DOCK8: variants seen among roughly 807,000 people sequenced by gnomAD.
DOCK8 encodes the protein dedicator of cytokinesis 8.
DOCK8 carries 141 observed loss-of-function variants against 245.6 expected under a neutral mutation model. The ratio of observed to expected loss-of-function variants is 0.57; its 90% CI spans 0.50 to 0.66. The LOEUF is 0.66. Among genes scored for constraint, DOCK8 ranks in the 30% least tolerant of loss-of-function variants. The pLI, the probability that DOCK8 is intolerant of heterozygous loss-of-function variation, is 0.00. For synonymous variants in DOCK8, 1,168 were observed against 970.2 expected, an observed-to-expected ratio of 1.20 and a Z score of -3.79; for missense variants, 2,965 against 2,603.4, an observed-to-expected ratio of 1.14 and a Z score of -3.02.
chr9:311,251 C>G (rs1266431049), intron 5 of DOCK8, among the ~76,000 whole-genome samples: 2 of 150,436 alleles, frequency 1.3e-5, no homozygotes, highest in Admixed American at 6.7e-5. Context: ...CGCCATTGCA[C>G]TCAAGCCTAG....
rs959993470 is a variant in DOCK8 at position 447,325 on chromosome 9, G to C, written c.5817+719G>C. On this transcript the variant is annotated intron_variant, in intron 44 of 47. Coordinates refer to ENST00000432829, the MANE Select transcript of DOCK8 (RefSeq NM_203447.4). ...TACACTTATTTGTCGTCCTTTTTAT[G>C]CAGGGCCACAGACTTCTCTGTGACT... Among the ~76,000 whole-genome samples the C allele has an allele frequency of 2.6e-5, 4 of 152,196 alleles. No homozygotes were observed. The East Asian group carries it at 7.7e-4, about 29-fold the overall frequency.
At chr9:268,377 G>C (rs1040652727) in intron 1 of DOCK8, 2 of 152,186 alleles carry the variant, frequency 1.3e-5, no homozygotes, top group Non-Finnish European at 2.9e-5. Flanking sequence ...CTTGTATGTG[G>C]ACGACTGGAA....
chr9:333,876 T>A (rs2051173879), intron 10 of DOCK8, among the ~76,000 whole-genome samples: 1 of 152,158 alleles, frequency 6.6e-6, no homozygotes, highest in Non-Finnish European at 1.5e-5. Context: ...TAAACTTGAT[T>A]TCAAGATTCT....
intron 4 of DOCK8, among the ~76,000 whole-genome samples, chr9:291,547 A>G (rs889103321): frequency 1.3e-4 from 20 of 152,154 alleles, no homozygotes; most frequent in Non-Finnish European, 2.4e-4. Flanking sequence ...TGCTTCCTCA[A>G]TACAATGATT....
chr9:399,820 A>G (rs1009664081), intron 26 of DOCK8, among the ~76,000 whole-genome samples: 2 of 152,038 alleles, frequency 1.3e-5, no homozygotes, highest in African/African-American at 4.8e-5. Context: ...TCTCCCTCAA[A>G]CTACCTTAAC....
At chr9:279,149 G>A (rs535474) in intron 2 of DOCK8, among the ~76,000 whole-genome samples, 67,528 of 152,012 alleles carry the variant, frequency 0.44, 16,330 homozygotes, top group East Asian at 0.74. Flanking sequence ...TGACTTTAAT[G>A]TTTTCCACCT....
chr9:304,572 C>G lies in DOCK8; in HGVS notation c.405-9C>G. 1 of 1,613,984 alleles carries G rather than the reference C, an allele frequency of 6.2e-7. No homozygotes were observed. The highest frequency in any genetic ancestry group is 8.5e-7 in the Non-Finnish European group (1 of 1,179,994). ...TTTCTCTCTCCAAATTAAATATCAA[C>G]CATAAAAGAAACCAAGGAAGTCCAG... On this transcript the variant is annotated splice_polypyrimidine_tract_variant and intron_variant, in intron 4 of 47. Transcript: ENST00000432829.
At chr9:370,927 C>T (rs1453259985) in intron 16 of DOCK8, among the ~76,000 whole-genome samples, 3 of 152,170 alleles carry the variant, frequency 2.0e-5, no homozygotes, top group Admixed American at 6.5e-5. Flanking sequence ...CATTACATAC[C>T]TACATTACTT....
intron 2 of DOCK8, among the ~76,000 whole-genome samples, chr9:272,405 CAG>C (rs2048187394): frequency 6.6e-6 from 1 of 152,074 alleles, no homozygotes; most frequent in South Asian, 2.1e-4. Context: ...TTTTTTGAGA[CAG>C]GGTGTCAGTC....
chr9:367,607 A>G (rs2053070893), intron 14 of DOCK8, among the ~76,000 whole-genome samples: 1 of 152,228 alleles, frequency 6.6e-6, no homozygotes, highest in African/African-American at 2.4e-5. Flanking sequence ...AAAGGAAACT[A>G]TTACATAAAG....
At chr9:282,420 T>G (rs1180372396) in intron 2 of DOCK8, among the ~76,000 whole-genome samples, 2 of 150,950 alleles carry the variant, frequency 1.3e-5, no homozygotes, top group Non-Finnish European at 3.0e-5. Flanking sequence ...TTTGTTTTTT[T>G]TTTTTTTTTG....
intron 1 of DOCK8, among the ~76,000 whole-genome samples, chr9:228,117 A>T (rs1363069218): frequency 6.6e-6 from 1 of 152,184 alleles, no homozygotes; most frequent in Non-Finnish European, 1.5e-5. Flanking sequence ...ACTCCTTTAA[A>T]AAGCCTGGAT....
intron 2 of DOCK8, among the ~76,000 whole-genome samples, chr9:272,271 G>A (rs1289497975): frequency 1.3e-5 from 2 of 152,056 alleles, no homozygotes; most frequent in East Asian, 1.9e-4. Flanking sequence ...TCCCCAGCGC[G>A]CTTTTACAAT....
At position 286,545 on chromosome 9, in the gene DOCK8, C is replaced by G; in HGVS notation, c.241C>G (p.Gln81Glu). The G allele has an allele frequency of 6.2e-7, 1 of 1,613,974 alleles. No homozygotes were observed. The highest frequency in any genetic ancestry group is 8.5e-7 in the Non-Finnish European group (1 of 1,179,926). The change falls in exon 3 of 48, where the codon CAG becomes GAG. Residue 81 changes from glutamine to glutamate, a missense_variant. Physicochemically the swap from Gln to Glu is conservative, Grantham distance 29. Transcript: ENST00000432829. ...HLNSLDVQLA[Q>E]ELGDFTDDDL... is the part of the protein sequence containing the mutation. ...GAACAGCCTGGATGTGCAGCTTGCC[C>G]AGGAGCTCGGGGACTTCACTGATGA...
chr9:463,370 GA>G, intron 46 of DOCK8, 146 bp from the exon 47 acceptor site: 1 of 865,240 alleles, frequency 1.2e-6, no homozygotes, highest in Non-Finnish European at 1.8e-6. Flanking sequence ...TCTGCATTTT[GA>G]AAAGCTCCAC....
chr9:218,673 T>A (rs1347031625), intron 1 of DOCK8, among the ~76,000 whole-genome samples: 1 of 152,214 alleles, frequency 6.6e-6, no homozygotes, highest in East Asian at 1.9e-4. Flanking sequence ...AACAAAATCT[T>A]AGTGTCTTTC....
In DOCK8 at chr9:446,540, A is replaced by C. The variant is rs1297445473; in HGVS notation, c.5751A>C (p.Thr1917=). Residue 1917 remains threonine, a synonymous_variant, in exon 44 of 48, where the codon ACA becomes ACC. Transcript: ENST00000432829. ...GELHEQYRRN[T]VLTTMHAFPY... is the part of the protein sequence containing the mutation. ...TGCATGAGCAGTACAGAAGGAACAC[A>C]GTCCTGACCACTATGCACGCCTTCC... 1 of 1,614,230 alleles carries C rather than the reference A, an allele frequency of 6.2e-7. No homozygotes were observed. Among genetic ancestry groups the C allele is most frequent in the Non-Finnish European group, 8.5e-7 (1 of 1,180,038 alleles).
intron 9 of DOCK8, among the ~76,000 whole-genome samples, chr9:328,838 A>G (rs2050877158): frequency 6.6e-6 from 1 of 151,900 alleles, no homozygotes; most frequent in South Asian, 2.1e-4. Context: ...TTGCTGTTGT[A>G]AGAAAACCAG....
intron 3 of DOCK8, among the ~76,000 whole-genome samples, chr9:288,532 A>G (rs927900046): frequency 5.3e-5 from 8 of 152,258 alleles, no homozygotes; most frequent in Non-Finnish European, 1.2e-4. Context: ...AATGCACAGT[A>G]AATGCTACCT....
Sources: gnomAD v4.1 joint callset for allele counts (sites outside exome capture counted in the v4.1 genomes callset) on GRCh38, gnomAD v4.1.1 for gene constraint, MANE v1.5 for transcripts, NCBI Gene and HGNC (gene_info 2026-07-23, HGNC 2026-07-21) for gene names.